Variants in ZNF385D observed in about 807,000 individuals in gnomAD.
ZNF385D encodes zinc finger protein 659.
Under a neutral mutation model 35.8 loss-of-function variants are expected in ZNF385D, and 15 were observed. The observed-to-expected ratio is 0.42, with a 90% CI of 0.28 to 0.64. The LOEUF is 0.64. Ranked by LOEUF, ZNF385D falls within the 30% of genes least tolerant of loss-of-function variation. The probability of loss-of-function intolerance (pLI) is 0.23; values close to 1 mark genes in which losing one functional copy is unlikely to be tolerated. For synonymous variants in ZNF385D, 212 were observed against 186.8 expected (o/e 1.13, Z -1.10); for missense variants, 474 against 494.6 (o/e 0.96, Z 0.39).
chr3:21,507,035 A>G (rs755850577), intron 4 of ZNF385D, among the ~76,000 whole-genome samples: 16 of 152,296 alleles, frequency 1.1e-4, no homozygotes, highest in South Asian at 6.2e-4. Context: ...GTTTAGATGT[A>G]TGTGTTACCC....
At chr3:21,761,865 CTTCCTT>C (rs2070625918) in intron 3 of ZNF385D, among the ~76,000 whole-genome samples, 1 of 102,916 alleles carries the variant, frequency 9.7e-6, no homozygotes, top group Non-Finnish European at 1.9e-5. Flanking sequence ...AGAGCATTTT[CTTCCTT>C]TTTTTTTTTT....
intron 3 of ZNF385D, among the ~76,000 whole-genome samples, chr3:21,762,136 T>G (rs961398283): frequency 1.3e-5 from 2 of 152,128 alleles, no homozygotes; most frequent in East Asian, 3.9e-4. Flanking sequence ...CTCAGCCTCC[T>G]AAAGTGCTGG....
chr3:22,321,726 C>T (rs998082683), intron 2 of ZNF385D, among the ~76,000 whole-genome samples: 1 of 152,072 alleles, frequency 6.6e-6, no homozygotes, highest in Non-Finnish European at 1.5e-5. Context: ...TGCTTTATTA[C>T]TTATTTCAAA....
Position 21,900,318 on chromosome 3 carries a change from G to GA in ZNF385D, c.326-235291dup, listed in dbSNP as rs201372816. On this transcript the variant is annotated intron_variant, in intron 3 of 5. Transcript: ENST00000494108. ...AATGTGAAAGGCAAATCAAATTATG[G>GA]AAAAAATCAAATGGAAAATAAAATG... Among the ~76,000 whole-genome samples the GA allele has an allele frequency of 5.0e-3, 760 of 152,094 alleles. 7 individuals are homozygous for GA. The highest frequency in any genetic ancestry group is 0.017 in the African/African-American group (695 of 41,502).
chr3:22,023,500 C>T (rs1270085439), intron 3 of ZNF385D, among the ~76,000 whole-genome samples: 2 of 152,070 alleles, frequency 1.3e-5, no homozygotes, highest in African/African-American at 4.8e-5. Context: ...ACATCAAAAC[C>T]CATCTTTGCT....
intron 2 of ZNF385D, among the ~76,000 whole-genome samples, chr3:22,371,622 C>A (rs1696909187): frequency 6.6e-6 from 1 of 152,166 alleles, no homozygotes; most frequent in South Asian, 2.1e-4. Flanking sequence ...TTGGAGGCTG[C>A]AGGTGTCCTC....
chr3:22,233,016 A>G (rs1698983839), intron 2 of ZNF385D, among the ~76,000 whole-genome samples: 1 of 151,936 alleles, frequency 6.6e-6, no homozygotes, highest in African/African-American at 2.4e-5. Flanking sequence ...CCCTATTTGT[A>G]CTTCTATTTA....
intron 4 of ZNF385D, among the ~76,000 whole-genome samples, chr3:21,450,813 C>T (rs998335224): frequency 2.0e-5 from 3 of 152,100 alleles, no homozygotes; most frequent in Non-Finnish European, 2.9e-5. Context: ...TAGTTATTTG[C>T]TTTTCTTTAA....
intron 3 of ZNF385D, among the ~76,000 whole-genome samples, chr3:21,965,598 C>T (rs1299698614): frequency 2.0e-5 from 3 of 152,044 alleles, no homozygotes; most frequent in Admixed American, 1.3e-4. Context: ...AAACTAAATG[C>T]AGTATATGAG....
chr3:22,178,526 G>A (rs1694991791), intron 2 of ZNF385D, among the ~76,000 whole-genome samples: 1 of 152,150 alleles, frequency 6.6e-6, no homozygotes, highest in South Asian at 2.1e-4. Flanking sequence ...CTCCCATTCT[G>A]TAGGTTGCCT....
chr3:21,752,045 C>G (rs572445765), upstream of ZNF385D, among the ~76,000 whole-genome samples: 7 of 126,834 alleles, frequency 5.5e-5, no homozygotes, highest in Admixed American at 1.0e-4. Flanking sequence ...ACACAACGCT[C>G]TCATTAAATT....
At chr3:22,020,911 T>G (rs755084810) in intron 3 of ZNF385D, among the ~76,000 whole-genome samples, 26 of 151,954 alleles carry the variant, frequency 1.7e-4, no homozygotes, top group Non-Finnish European at 3.5e-4. Context: ...AAGGAAAATA[T>G]GGCATATATA....
chr3:22,101,506 G>A (rs1382844295), intron 3 of ZNF385D, among the ~76,000 whole-genome samples: 2 of 151,990 alleles, frequency 1.3e-5, no homozygotes, highest in African/African-American at 2.4e-5. Context: ...AGGTTTAAAC[G>A]TTAATCTAAA....
At chr3:22,099,932 G>C (rs948486966) in intron 3 of ZNF385D, among the ~76,000 whole-genome samples, 1 of 152,010 alleles carries the variant, frequency 6.6e-6, no homozygotes, top group South Asian at 2.1e-4. Flanking sequence ...TCAGGATTAA[G>C]TGTCAGTTCT....
chr3:21,665,102 C>A, intron 1 of ZNF385D, 74 bp from the exon 2 acceptor site: 2 of 1,475,876 alleles, frequency 1.4e-6, no homozygotes, highest in Admixed American at 5.2e-5. Flanking sequence ...GCTTTTGAGA[C>A]AAAAAAGGCC....
intron 3 of ZNF385D, among the ~76,000 whole-genome samples, chr3:21,881,253 GGCATCAAATTT>G (rs1376510668): frequency 6.6e-6 from 1 of 151,934 alleles, no homozygotes; most frequent in African/African-American, 2.4e-5. Flanking sequence ...GTTAGTGCCT[GGCATCAAATTT>G]TCAAAGGACA....
intron 3 of ZNF385D, among the ~76,000 whole-genome samples, chr3:22,009,475 T>C (rs1280628402): frequency 6.6e-6 from 1 of 151,822 alleles, no homozygotes; most frequent in South Asian, 2.1e-4. Flanking sequence ...TACCAAAAAT[T>C]AGCCGGGCGT....
intron 3 of ZNF385D, among the ~76,000 whole-genome samples, chr3:22,105,643 A>G (rs983887079): frequency 1.3e-5 from 2 of 152,060 alleles, no homozygotes; most frequent in African/African-American, 2.4e-5. Context: ...CAAGGGCAAG[A>G]GATGACAGAT....
At chr3:22,073,912 T>C (rs1333835694) in intron 3 of ZNF385D, among the ~76,000 whole-genome samples, 1 of 151,988 alleles carries the variant, frequency 6.6e-6, no homozygotes, top group African/African-American at 2.4e-5. Context: ...TTTCGCATCC[T>C]TTAAAAGGGC....
Sources: gnomAD v4.1 joint callset for allele counts (sites outside exome capture counted in the v4.1 genomes callset) on GRCh38, gnomAD v4.1.1 for gene constraint, MANE v1.5 for transcripts, NCBI Gene and HGNC (gene_info 2026-07-23, HGNC 2026-07-21) for gene names.